Variants in MAD1L1 observed in about 807,000 individuals in gnomAD.
MAD1L1 encodes mitotic arrest deficient 1 like 1, also known as mitotic spindle assembly checkpoint protein MAD1.
MAD1L1 carries 95 observed loss-of-function variants against 96.9 expected under a neutral mutation model. The ratio of observed to expected loss-of-function variants is 0.98; its 90% confidence interval spans 0.83 to 1.16. The LOEUF is 1.16. Ranked by LOEUF, MAD1L1 falls within the 50% of genes most tolerant of loss-of-function variation. The pLI is 0.00. For missense variants in MAD1L1, 1,007 were observed against 954.4 expected (o/e 1.06, Z -0.73); for synonymous variants, 473 against 396.6 (o/e 1.19, Z -2.29).
intron 11 of MAD1L1, among the ~76,000 whole-genome samples, chr7:2,110,259 C>T (rs925373301): frequency 7.9e-5 from 12 of 152,212 alleles, no homozygotes; most frequent in Non-Finnish European, 1.3e-4. Context: ...CTTGAAGCCT[C>T]CTTCTGTGGC....
Position 1,928,354 on chromosome 7 carries a change from C to G in MAD1L1, c.1807+8333G>C, listed in dbSNP as rs574490481. Reference sequence around the variant, plus strand: ...AGAGGAGCCCACGACGGAACTCCTGCCACGCCAGACACTGCTCCCCACCAC... The same window carrying G: ...AGAGGAGCCCACGACGGAACTCCTGGCACGCCAGACACTGCTCCCCACCAC... On this transcript the variant is annotated intron_variant, in intron 17 of 18. Transcript: ENST00000265854. 3.9e-5 allele frequency among the ~76,000 whole-genome samples: 6 copies of G among 151,934 alleles called. No individual in the cohort carries two copies. In the South Asian group the frequency reaches 1.2e-3, roughly 32 times the overall value.
At chr7:1,963,719 G>A (rs1427719729) in intron 15 of MAD1L1, among the ~76,000 whole-genome samples, 1 of 152,220 alleles carries the variant, frequency 6.6e-6, no homozygotes, top group East Asian at 1.9e-4. Context: ...CCCAGCAGAC[G>A]CCGTGCGCTG....
chr7:2,128,683 C>T (rs930235171), intron 11 of MAD1L1, among the ~76,000 whole-genome samples: 3 of 152,184 alleles, frequency 2.0e-5, no homozygotes, highest in Admixed American at 1.3e-4. Flanking sequence ...TTGGCCATTG[C>T]AGGGATCCTG....
chr7:1,887,313 G>C (rs1184187061), intron 18 of MAD1L1, among the ~76,000 whole-genome samples: 1 of 152,090 alleles, frequency 6.6e-6, no homozygotes, highest in Non-Finnish European at 1.5e-5. Context: ...GCATGTGTGT[G>C]CATGCATGCG....
chr7:1,880,193 C>T (rs1207435078), intron 18 of MAD1L1, among the ~76,000 whole-genome samples: 1 of 152,202 alleles, frequency 6.6e-6, no homozygotes, highest in African/African-American at 2.4e-5. Flanking sequence ...TGTTCCTAAT[C>T]AGCACCCCTC....
intron 11 of MAD1L1, among the ~76,000 whole-genome samples, chr7:2,117,438 G>A (rs1787764584): frequency 6.6e-6 from 1 of 152,162 alleles, no homozygotes; most frequent in South Asian, 2.1e-4. Flanking sequence ...GATATGATAT[G>A]GTCTGACTGT....
intron 15 of MAD1L1, among the ~76,000 whole-genome samples, chr7:1,979,652 C>T (rs1780803516): frequency 1.3e-5 from 2 of 152,232 alleles, no homozygotes; most frequent in Admixed American, 6.5e-5. Context: ...GCTCTAGGGG[C>T]GCCGTGTGCA....
intron 18 of MAD1L1, chr7:1,849,114 GCACACACAGACATGCACACACACGTA>G (rs1583548385): frequency 1.9e-5 from 2 of 105,030 alleles, no homozygotes; most frequent in East Asian, 6.1e-4. Flanking sequence ...ACATACACGT[GCACACACAGACATGCACACACACGTA>G]CACACATGCA....
At chr7:1,969,091 A>C (rs1440534103) in intron 15 of MAD1L1, among the ~76,000 whole-genome samples, 2 of 152,206 alleles carry the variant, frequency 1.3e-5, no homozygotes, top group African/African-American at 4.8e-5. Context: ...CTTTTCAAAA[A>C]ATCGACTGTT....
chr7:1,937,030 TGTC>T (rs1193384529), intron 16 of MAD1L1, 133 bp from the exon 17 acceptor site: 1 of 719,396 alleles, frequency 1.4e-6, no homozygotes, highest in Admixed American at 2.8e-5. Flanking sequence ...TCAGTTCTTT[TGTC>T]TTCTTGAGCC....
chr7:1,955,580 C>A (rs756410338), intron 16 of MAD1L1, among the ~76,000 whole-genome samples: 2 of 152,348 alleles, frequency 1.3e-5, no homozygotes, highest in Middle Eastern at 3.4e-3. Context: ...CGTGAGCCAC[C>A]ATGCCCAGCC....
chr7:2,144,506 C>G (rs915088240), intron 11 of MAD1L1, among the ~76,000 whole-genome samples: 2 of 152,302 alleles, frequency 1.3e-5, no homozygotes, highest in South Asian at 2.1e-4. Context: ...CTGTTCTTCA[C>G]GAGCCCTCAG....
At chr7:2,181,806 T>C (rs1370560299) in intron 10 of MAD1L1, among the ~76,000 whole-genome samples, 2 of 147,124 alleles carry the variant, frequency 1.4e-5, no homozygotes, top group East Asian at 1.9e-4. Context: ...AAAGAAAATG[T>C]GGTCTCTATA....
At chr7:2,124,772 G>A (rs1788152604) in intron 11 of MAD1L1, among the ~76,000 whole-genome samples, 1 of 152,184 alleles carries the variant, frequency 6.6e-6, no homozygotes, top group Admixed American at 6.5e-5. Flanking sequence ...GCGCTTGTGG[G>A]AGAAACTCTG....
intron 18 of MAD1L1, among the ~76,000 whole-genome samples, chr7:1,860,029 C>A (rs56044310): frequency 7.0e-6 from 1 of 143,358 alleles, no homozygotes; most frequent in East Asian, 2.2e-4. Flanking sequence ...TGACATCCTG[C>A]GGGGCAGCCT....
At chr7:1,992,158 G>A in intron 14 of MAD1L1, among the ~76,000 whole-genome samples, 1 of 149,092 alleles carries the variant, frequency 6.7e-6, no homozygotes, top group African/African-American at 2.5e-5. Context: ...CCCCACCAGA[G>A]CGCCACTGCT....
intron 18 of MAD1L1, among the ~76,000 whole-genome samples, chr7:1,855,904 G>T (rs1784225013): frequency 6.6e-6 from 1 of 152,194 alleles, no homozygotes; most frequent in South Asian, 2.1e-4. Flanking sequence ...CACAGACAGG[G>T]TGGCTTATGA....
At chr7:2,132,347 T>C (rs1458563161) in intron 11 of MAD1L1, among the ~76,000 whole-genome samples, 3 of 152,178 alleles carry the variant, frequency 2.0e-5, no homozygotes, top group African/African-American at 7.2e-5. Flanking sequence ...TTCTCGGGTT[T>C]AGACGAACGC....
chr7:1,847,318 G>A (rs1384448215), intron 18 of MAD1L1: 1 of 471,128 alleles, frequency 2.1e-6, no homozygotes, highest in Admixed American at 2.3e-5. Flanking sequence ...TTACAGAGCA[G>A]CAAACCAGGC....
Sources: gnomAD v4.1 joint callset for allele counts (sites outside exome capture counted in the v4.1 genomes callset) on GRCh38, gnomAD v4.1.1 for gene constraint, MANE v1.5 for transcripts, NCBI Gene and HGNC (gene_info 2026-07-23, HGNC 2026-07-21) for gene names.